RAB11FIP4: variants seen among roughly 807,000 people sequenced by gnomAD.
RAB11FIP4 encodes the protein RAB11 family interacting protein 4, also known as rab11 family-interacting protein 4.
A neutral mutation model predicts 74.3 loss-of-function variants in RAB11FIP4; 23 were observed. The ratio of observed to expected loss-of-function variants is 0.31; its 90% CI spans 0.22 to 0.44. The LOEUF is 0.44. Among genes scored for constraint, RAB11FIP4 ranks in the 20% least tolerant of loss-of-function variants. RAB11FIP4 has a pLI of 1.00. For synonymous variants in RAB11FIP4, 360 were observed against 359.9 expected (o/e 1.00, Z 0.00); for missense variants, 630 against 863.9 (o/e 0.73, Z 3.39).
At chr17:31,530,232 C>T (rs2072843314) in intron 13 of RAB11FIP4, 94 bp from the exon 14 acceptor site, 25 of 1,489,708 alleles carry the variant, frequency 1.7e-5, no homozygotes, top group South Asian at 3.6e-5. Context: ...ATGGCGCTGG[C>T]GGCAGGTCGG....
At chr17:31,407,539 G>A (rs2071054475) in intron 1 of RAB11FIP4, among the ~76,000 whole-genome samples, 1 of 152,222 alleles carries the variant, frequency 6.6e-6, no homozygotes, top group Admixed American at 6.5e-5. Flanking sequence ...ATTCAGCGAT[G>A]TCATCTAAGA....
At chr17:31,469,503 T>A (rs143267806) in intron 3 of RAB11FIP4, among the ~76,000 whole-genome samples, 143 of 152,128 alleles carry the variant, frequency 9.4e-4, no homozygotes, top group African/African-American at 3.1e-3. Flanking sequence ...GGTGTGTGCC[T>A]GTAGTCCCAG....
chr17:31,459,452 A>G (rs951999267), intron 3 of RAB11FIP4, among the ~76,000 whole-genome samples: 1 of 152,102 alleles, frequency 6.6e-6, no homozygotes, highest in Non-Finnish European at 1.5e-5. Flanking sequence ...CTGTACCCAC[A>G]TCTGACACAT....
chr17:31,438,530 C>T (rs1435789760), intron 3 of RAB11FIP4, among the ~76,000 whole-genome samples: 1 of 152,090 alleles, frequency 6.6e-6, no homozygotes, highest in East Asian at 1.9e-4. Flanking sequence ...ATCACAGCCA[C>T]TGCCACCCAC....
intron 3 of RAB11FIP4, among the ~76,000 whole-genome samples, chr17:31,465,999 C>T (rs989864860): frequency 1.5e-4 from 18 of 118,558 alleles, no homozygotes; most frequent in Admixed American, 3.3e-4. Context: ...AAAAATCAGC[C>T]GGGTGTGGTA....
In RAB11FIP4 at chr17:31,463,803, C is replaced by CTTTTTTTTTTTTTTTT. The variant is rs60955293; in HGVS notation, c.336+29694_336+29709dup. ...ACAGGTGTGAGCCACTGCGCCTGGACTTTTTTTTTTTTTTTTTTTTTTTTT... is the reference window on the plus strand; with the variant it reads ...ACAGGTGTGAGCCACTGCGCCTGGACTTTTTTTTTTTTTTTTTTTTTTTTTTTTTTTTTTTTTTTTT... On this transcript the variant is annotated intron_variant, in intron 3 of 14. Coordinates refer to ENST00000621161, the MANE Select transcript of RAB11FIP4 (RefSeq NM_032932.6). Among the ~76,000 whole-genome samples the CTTTTTTTTTTTTTTTT allele has an allele frequency of 4.0e-4, 13 of 32,822 alleles. 5 individuals are homozygous for CTTTTTTTTTTTTTTTT. The highest frequency in any genetic ancestry group is 9.8e-4 in the African/African-American group (9 of 9,196). The allele number at this position is 32,822 out of a possible 152,430, so 21.5% of individuals were successfully genotyped here.
At chr17:31,438,927 T>C (rs1358819313) in intron 3 of RAB11FIP4, among the ~76,000 whole-genome samples, 3 of 151,962 alleles carry the variant, frequency 2.0e-5, no homozygotes, top group African/African-American at 7.3e-5. Flanking sequence ...GCCTGGACAA[T>C]ATAGTGAGAC....
intron 3 of RAB11FIP4, among the ~76,000 whole-genome samples, chr17:31,464,688 G>A (rs1266349332): frequency 1.4e-5 from 2 of 147,562 alleles, no homozygotes; most frequent in African/African-American, 2.5e-5. Flanking sequence ...CGATGTCAGG[G>A]GATCCACCTG....
intron 3 of RAB11FIP4, among the ~76,000 whole-genome samples, chr17:31,457,772 T>C (rs1183953838): frequency 6.6e-6 from 1 of 151,678 alleles, no homozygotes. Context: ...TCTGTGCCTC[T>C]GTGCTCTCTC....
rs150118104 is a variant in RAB11FIP4 at position 31,433,969 on chromosome 17, C to T, written c.248-65C>T. ...CCACCCTATGCCCATTAGTCAGAAG[C>T]AGAGCAGCCGTCCCAGGCTGAGGCT... is the stretch of plus-strand genomic sequence containing the variant. On this transcript the variant is annotated intron_variant, in intron 2 of 14. Transcript: ENST00000621161. 134 of 1,465,920 alleles carry T rather than the reference C, an allele frequency of 9.1e-5. No individual in the cohort carries two copies. In the East Asian group the frequency reaches 3.2e-3, roughly 35 times the overall value. 90.8% of individuals were successfully genotyped at this position (1,465,920 alleles called of 1,614,324 possible).
At chr17:31,411,506 G>C (rs189129248) in intron 1 of RAB11FIP4, among the ~76,000 whole-genome samples, 1 of 152,194 alleles carries the variant, frequency 6.6e-6, no homozygotes, top group East Asian at 1.9e-4. Context: ...CCAAGGGCTC[G>C]CATGAGGATA....
At chr17:31,448,478 C>G (rs999105624) in intron 3 of RAB11FIP4, 1 of 150,078 alleles carries the variant, frequency 6.7e-6, no homozygotes, top group South Asian at 2.1e-4. Context: ...GCAAGTCTCC[C>G]AGCTGGGCCT....
intron 3 of RAB11FIP4, chr17:31,509,189 A>T (rs1223965944): frequency 6.6e-6 from 1 of 152,492 alleles, no homozygotes; most frequent in Non-Finnish European, 1.5e-5. Context: ...CCAGCACAGG[A>T]AACGTGGTGA....
chr17:31,530,368 C>A lies in RAB11FIP4; in HGVS notation c.1696C>A (p.Gln566Lys). 1 of 1,614,184 alleles carries A rather than the reference C, an allele frequency of 6.2e-7. No individual in the cohort carries two copies. Among genetic ancestry groups the A allele is most frequent in the South Asian group, 1.1e-5 (1 of 91,088 alleles). Residue 566 changes from glutamine to lysine, a missense_variant, in exon 14 of 15, where the codon CAG becomes AAG. By Grantham distance (53) the Gln-to-Lys change is moderately conservative (BLOSUM62 1). Transcript: ENST00000621161. Reference protein sequence around the residue: ...LRDQNDDLNGQILSLSLYEAK... With the variant: ...LRDQNDDLNGKILSLSLYEAK... ...GGATCAGAACGACGACTTGAATGGG[C>A]AGATTTTGAGCCTCAGCCTCTACGA...
intron 3 of RAB11FIP4, among the ~76,000 whole-genome samples, chr17:31,504,158 T>C (rs1309822554): frequency 6.8e-6 from 1 of 147,150 alleles, no homozygotes; most frequent in Non-Finnish European, 1.5e-5. Context: ...TGAGACATTG[T>C]CTCGCTCTGT....
intron 3 of RAB11FIP4, among the ~76,000 whole-genome samples, chr17:31,475,491 A>AT (rs2071782387): frequency 6.6e-6 from 1 of 152,236 alleles, no homozygotes; most frequent in Non-Finnish European, 1.5e-5. Context: ...GCATTCTTTC[A>AT]TTTAACAAGC....
rs1233930225 is a variant in RAB11FIP4, at chr17:31,512,694, T to C, written c.337-4957T>C. Reference sequence around the variant, plus strand: ...GCCAGAGACGATGCCCGGTGCTGCCTCCTGAGGATACCACACTGTCCCTTC... The same window carrying C: ...GCCAGAGACGATGCCCGGTGCTGCCCCCTGAGGATACCACACTGTCCCTTC... On this transcript the variant is annotated intron_variant, in intron 3 of 14. Coordinates refer to ENST00000621161, the MANE Select transcript of RAB11FIP4 (RefSeq NM_032932.6). The surrounding 1 kb of genome is among the most constrained non-coding windows in gnomAD (Gnocchi z 4.1). Among the ~76,000 whole-genome samples, 1 of 152,014 alleles carries C rather than the reference T, an allele frequency of 6.6e-6. No individual in the cohort carries two copies. The highest frequency in any genetic ancestry group is 1.5e-5 in the Non-Finnish European group (1 of 67,986).
chr17:31,391,933 G>A lies in RAB11FIP4; in HGVS notation c.81G>A (p.Val27=). 1 of 1,380,444 alleles carries A rather than the reference G, an allele frequency of 7.2e-7. No homozygotes were observed. The highest frequency in any genetic ancestry group is 1.6e-5 in the South Asian group (1 of 62,892). 85.5% of individuals were successfully genotyped at this position (1,380,444 alleles called of 1,614,324 possible). A position where few individuals can be genotyped will look rare whatever the true frequency, so the allele number is the denominator to read the frequency against. Reference sequence around the variant, plus strand: ...GCCGCCTGCGCGAGGTGTTCGAGGTGTGCGGCCGCGACCCCGACGGCTTCC... The same window carrying A: ...GCCGCCTGCGCGAGGTGTTCGAGGTATGCGGCCGCGACCCCGACGGCTTCC... ...SVRRLREVFE[V]CGRDPDGFLR... Residue 27 remains valine (V), a synonymous_variant, in exon 1 of 15, where the codon GTG becomes GTA. Transcript: ENST00000621161.
chr17:31,415,868 C>CG (rs1555542364), intron 1 of RAB11FIP4, among the ~76,000 whole-genome samples: 2 of 152,248 alleles, frequency 1.3e-5, no homozygotes, highest in Admixed American at 6.5e-5. Flanking sequence ...TGTCCCTTCC[C>CG]GGGGGAAGGC....
Sources: allele counts gnomAD v4.1 joint callset (sites outside exome capture counted in the v4.1 genomes callset), GRCh38; gene constraint gnomAD v4.1.1; non-coding constraint Gnocchi (gnomAD v3.1); transcripts MANE v1.5; gene names NCBI Gene and HGNC (gene_info 2026-07-23, HGNC 2026-07-21).